TBC1D2: variants seen among roughly 807,000 people sequenced by gnomAD.
TBC1D2 encodes TBC1 domain family member 2, also known as TBC1 domain family member 2A.
A neutral mutation model predicts 91.1 loss-of-function variants in TBC1D2; 58 were observed. The observed-to-expected ratio is 0.64, with a 90% CI of 0.52 to 0.79. The LOEUF is 0.79. Among genes scored for constraint, TBC1D2 ranks in the 30% least tolerant of loss-of-function variants. The pLI, the probability that TBC1D2 is intolerant of heterozygous loss-of-function variation, is 0.00. For missense variants in TBC1D2, 1,080 were observed against 1,208.3 expected (o/e 0.89, Z 1.57); for synonymous variants, 482 against 511.5 (o/e 0.94, Z 0.78).
intron 2 of TBC1D2, among the ~76,000 whole-genome samples, chr9:98,249,259 A>C (rs1398126028): frequency 6.6e-6 from 1 of 152,206 alleles, no homozygotes; most frequent in Non-Finnish European, 1.5e-5. Flanking sequence ...AGTCTCAGGC[A>C]GCATCCTCCT....
At chr9:98,209,170 A>G in intron 8 of TBC1D2, 26 bp from the exon 9 acceptor site, 1 of 1,595,426 alleles carries the variant, frequency 6.3e-7, no homozygotes, top group Non-Finnish European at 8.6e-7. Flanking sequence ...CACGTTAGCA[A>G]CACCTTGCAG....
chr9:98,252,515 G>T (rs1250858256), intron 1 of TBC1D2, among the ~76,000 whole-genome samples: 2 of 152,218 alleles, frequency 1.3e-5, no homozygotes, highest in Admixed American at 6.5e-5. Context: ...GGTAAATGCT[G>T]GTCATTAGTC....
chr9:98,235,469 G>C (rs1208076391), intron 3 of TBC1D2: 1 of 468,966 alleles, frequency 2.1e-6, no homozygotes, highest in East Asian at 5.8e-5. Context: ...TGCTATTCAG[G>C]ATAAAGAAAT....
chr9:98,219,865 G>A (rs1186867935), intron 6 of TBC1D2, among the ~76,000 whole-genome samples: 3 of 152,176 alleles, frequency 2.0e-5, no homozygotes, highest in Non-Finnish European at 4.4e-5. Flanking sequence ...GGGGCAGGAC[G>A]AACTCTGGTT....
intron 3 of TBC1D2, among the ~76,000 whole-genome samples, chr9:98,236,236 T>C (rs147283002): frequency 1.3e-3 from 199 of 152,256 alleles, no homozygotes; most frequent in Non-Finnish European, 2.0e-3. Flanking sequence ...TTTGTTGTTG[T>C]TGTTTGAGAT....
At chr9:98,218,819 T>C (rs1829029911) in intron 6 of TBC1D2, among the ~76,000 whole-genome samples, 1 of 151,960 alleles carries the variant, frequency 6.6e-6, no homozygotes, top group African/African-American at 2.4e-5. Context: ...GCCTCCAGAG[T>C]AGACGGGAAC....
At chr9:98,234,291 CAT>C (rs1564252999) in intron 3 of TBC1D2, among the ~76,000 whole-genome samples, 1 of 152,110 alleles carries the variant, frequency 6.6e-6, no homozygotes. Context: ...GGGCTCAATA[CAT>C]GTTTGGTTTA....
At chr9:98,254,526 C>T (rs549266039) in intron 1 of TBC1D2, among the ~76,000 whole-genome samples, 15 of 152,278 alleles carry the variant, frequency 9.9e-5, no homozygotes, top group East Asian at 3.9e-4. Flanking sequence ...AATCCAAGCC[C>T]GTCTGATTTC....
At chr9:98,230,442 C>T (rs1829339268) in intron 4 of TBC1D2, among the ~76,000 whole-genome samples, 1 of 152,116 alleles carries the variant, frequency 6.6e-6, no homozygotes, top group South Asian at 2.1e-4. Context: ...AAACTATTAC[C>T]TATTTCTTGG....
chr9:98,203,956 GACCT>G (rs773211418), intron 9 of TBC1D2, among the ~76,000 whole-genome samples: 2 of 152,176 alleles, frequency 1.3e-5, no homozygotes, highest in Admixed American at 6.5e-5. Context: ...TCTTGAGACA[GACCT>G]ACCTTGCCTC....
At chr9:98,200,923 G>A (rs1045275524) in intron 11 of TBC1D2, among the ~76,000 whole-genome samples, 13 of 151,962 alleles carry the variant, frequency 8.6e-5, no homozygotes, top group Admixed American at 6.6e-5. Context: ...GGTTGAGGCA[G>A]GAGAACTGCT....
chr9:98,217,023 A>T (rs1485078020), intron 6 of TBC1D2, among the ~76,000 whole-genome samples: 3 of 152,216 alleles, frequency 2.0e-5, no homozygotes, highest in African/African-American at 4.8e-5. Context: ...AGGCTTTGGA[A>T]AGAAGGCTTT....
chr9:98,234,371 C>G (rs547193377), intron 3 of TBC1D2, among the ~76,000 whole-genome samples: 54 of 152,180 alleles, frequency 3.5e-4, no homozygotes, highest in African/African-American at 1.3e-3. Context: ...TCATAATGAG[C>G]TGGATGTAAA....
chr9:98,248,929 C>T (rs1054914612), intron 2 of TBC1D2, among the ~76,000 whole-genome samples: 1 of 152,200 alleles, frequency 6.6e-6, no homozygotes, highest in Non-Finnish European at 1.5e-5. Flanking sequence ...CAGGAGAGAA[C>T]ATGCCTTGCA....
chr9:98,249,065 G>A lies in TBC1D2; in HGVS notation c.511+2720C>T, dbSNP rs116066956. ...GCTTCCTCAGGAAGGGTGGAGGCGG[G>A]CGAGGTGGGGCAGCCTGCTCCACGT... On this transcript the variant is annotated intron_variant, in intron 2 of 12. Transcript: ENST00000465784. Among the ~76,000 whole-genome samples the A allele has an allele frequency of 2.3e-3, 352 of 152,312 alleles. 1 individual carries two copies. Among genetic ancestry groups the A allele is most frequent in the African/African-American group, 8.0e-3 (332 of 41,566 alleles).
In TBC1D2 at chr9:98,255,312, T is replaced by C; in HGVS notation, c.230A>G (p.Gln77Arg). 2 of 1,614,228 alleles carry C rather than the reference T, an allele frequency of 1.2e-6. No individual in the cohort carries two copies. The highest frequency in any genetic ancestry group is 1.7e-6 in the Non-Finnish European group (2 of 1,180,038). The change falls in exon 1 of 13, where the codon CAG (glutamine) becomes CGG (arginine). Residue 77 changes from glutamine to arginine, a missense_variant. Physicochemically the swap from Gln to Arg is conservative, Grantham distance 43. Coordinates refer to ENST00000465784, the MANE Select transcript of TBC1D2 (RefSeq NM_001267571.2). Reference protein sequence around the residue: ...RWFFYDERKCQLYYSRTAQDA... With the variant: ...RWFFYDERKCRLYYSRTAQDA... ...CTGAGCGGTCCGCGAGTAATACAGC[T>C]GACATTTCCTTTCGTCGTAGAAGAA...
intron 4 of TBC1D2, among the ~76,000 whole-genome samples, chr9:98,232,311 G>A (rs2119135377): frequency 7.1e-6 from 1 of 140,178 alleles, no homozygotes; most frequent in African/African-American, 2.8e-5. Flanking sequence ...GCTCCAAAGG[G>A]TGCTTTTTCT....
intron 12 of TBC1D2, 45 bp downstream of exon 12, chr9:98,200,208 G>C (rs772757839): frequency 1.9e-5 from 31 of 1,610,194 alleles, no homozygotes; most frequent in South Asian, 1.8e-4. Flanking sequence ...TGTGTCCTTG[G>C]GGGTGTGTGA....
rs747532396 is a variant in TBC1D2, at chr9:98,213,137, C to A, written c.1456G>T (p.Ala486Ser). The change falls in exon 7 of 13, where the codon GCT becomes TCT. Residue 486 changes from alanine to serine, a missense_variant. Physicochemically the swap from Ala to Ser is moderately conservative, Grantham distance 99. Transcript: ENST00000465784. ...HQVTKIWRKV[A>S]EKEKALLTKC... The stretch of plus-strand genomic sequence containing the variant: ...GTCAGAAGGGCCTTCTCCTTCTCAG[C>A]CACCTTTCTCCAGATCTTTGTGACC... 6.2e-7 allele frequency: 1 copy of A among 1,614,136 alleles called. No homozygotes were observed. The highest frequency in any genetic ancestry group is 8.5e-7 in the Non-Finnish European group (1 of 1,180,018).
Sources: gnomAD v4.1 joint callset for allele counts (sites outside exome capture counted in the v4.1 genomes callset) on GRCh38, gnomAD v4.1.1 for gene constraint, MANE v1.5 for transcripts, NCBI Gene and HGNC (gene_info 2026-07-23, HGNC 2026-07-21) for gene names.